Variants in LRRC4C observed in about 807,000 individuals in gnomAD.
LRRC4C encodes leucine rich repeat containing 4C, also known as leucine-rich repeat-containing protein 4C.
In LRRC4C, 5 loss-of-function variants were observed where a neutral mutation model predicts 33.6. The observed-to-expected ratio is 0.15, with a 90% CI of 0.08 to 0.31. The LOEUF (loss-of-function observed/expected upper bound fraction) is 0.31, where lower values mean the gene tolerates loss of function less well. LRRC4C is among the 10% of genes least tolerant of loss of function. The pLI is 1.00. For synonymous variants in LRRC4C, 329 were observed against 302.0 expected (o/e 1.09, Z -0.93); for missense variants, 560 against 796.7 (o/e 0.70, Z 3.58).
In LRRC4C at chr11:40,187,021, A is replaced by G. The variant is rs115658375; in HGVS notation, c.-95-46168T>C. Among the ~76,000 whole-genome samples the G allele has an allele frequency of 5.7e-3, 874 of 152,260 alleles. 10 individuals are homozygous for G. The highest frequency in any genetic ancestry group is 0.02 in the African/African-American group (827 of 41,550). The stretch of plus-strand genomic sequence containing the variant: ...TGACACATTTCAGTCAGGCCATAGC[A>G]GGCCTCTGCCAAGCAGGAGAACCAA... On this transcript the variant is annotated intron_variant, in intron 5 of 6. Coordinates refer to ENST00000528697, the MANE Select transcript of LRRC4C (RefSeq NM_001258419.2).
At chr11:40,586,313 A>C (rs1317442197) in intron 3 of LRRC4C, among the ~76,000 whole-genome samples, 1 of 149,848 alleles carries the variant, frequency 6.7e-6, no homozygotes, top group Non-Finnish European at 1.5e-5. Context: ...CCACTTTTTG[A>C]TGGGGTTGTT....
intron 2 of LRRC4C, among the ~76,000 whole-genome samples, chr11:40,793,764 ATTTTATATT>A (rs955296643): frequency 2.6e-5 from 4 of 152,240 alleles, no homozygotes; most frequent in African/African-American, 9.6e-5. Context: ...CATTGGATAT[ATTTTATATT>A]TTAGTGGTGG....
chr11:41,106,753 C>T (rs752359169), intron 1 of LRRC4C, among the ~76,000 whole-genome samples: 84 of 151,982 alleles, frequency 5.5e-4, no homozygotes, highest in Admixed American at 9.8e-4. Context: ...AAATGGTTGG[C>T]GGGGTACAGC....
intron 1 of LRRC4C, among the ~76,000 whole-genome samples, chr11:41,010,130 C>G (rs541260399): frequency 2.0e-5 from 3 of 152,158 alleles, no homozygotes; most frequent in African/African-American, 7.2e-5. Flanking sequence ...AAAGCATGGC[C>G]CTAATGACAC....
chr11:41,091,827 C>T (rs1362288099), intron 1 of LRRC4C, among the ~76,000 whole-genome samples: 1 of 152,078 alleles, frequency 6.6e-6, no homozygotes. Flanking sequence ...GACCAATGTC[C>T]TGTGAGTTAG....
rs184767669 is a variant in LRRC4C, at chr11:40,235,407, C to T, written c.-96+6112G>A. 1.1e-3 allele frequency among the ~76,000 whole-genome samples: 163 copies of T among 152,224 alleles called. 1 individual carries two copies. The East Asian group carries it at 0.028, about 26-fold the overall frequency. On this transcript the variant is annotated intron_variant, in intron 5 of 6. Transcript: ENST00000528697. Reference sequence around the variant, plus strand: ...AAATTTCCAGAAACTATCATACTTCCTCTCCAGATTTACTGAAAACATTTA... The same window carrying T: ...AAATTTCCAGAAACTATCATACTTCTTCTCCAGATTTACTGAAAACATTTA...
In LRRC4C at chr11:40,502,109, A is replaced by G. The variant is rs149266863; in HGVS notation, c.-270+146033T>C. On this transcript the variant is annotated intron_variant, in intron 3 of 6. Coordinates refer to ENST00000528697, the MANE Select transcript of LRRC4C (RefSeq NM_001258419.2). Reference sequence around the variant, plus strand: ...ACATAACAAGAGTCACCTTTGCTCTAGTTCCCAACTAGTTCCTCATCTCCA... The same window carrying G: ...ACATAACAAGAGTCACCTTTGCTCTGGTTCCCAACTAGTTCCTCATCTCCA... Among the ~76,000 whole-genome samples the G allele has an allele frequency of 6.6e-3, 1,007 of 152,268 alleles. 16 individuals are homozygous for G. The highest frequency in any genetic ancestry group is 0.023 in the African/African-American group (966 of 41,552).
intron 3 of LRRC4C, among the ~76,000 whole-genome samples, chr11:40,631,370 G>A (rs1213139856): frequency 6.6e-6 from 1 of 152,156 alleles, no homozygotes; most frequent in Non-Finnish European, 1.5e-5. Context: ...TGAGGGTGGT[G>A]CCCCAGTAAT....
At chr11:41,340,753 T>C (rs185493015) in intron 1 of LRRC4C, among the ~76,000 whole-genome samples, 73 of 152,202 alleles carry the variant, frequency 4.8e-4, no homozygotes, top group African/African-American at 1.7e-3. Flanking sequence ...ATAGCATTGT[T>C]GTGGAGATTA....
At chr11:40,322,060 A>G (rs561969993) in intron 3 of LRRC4C, among the ~76,000 whole-genome samples, 1 of 152,144 alleles carries the variant, frequency 6.6e-6, no homozygotes, top group East Asian at 1.9e-4. Context: ...AGATTCATTA[A>G]ATGTGGGGCT....
intron 1 of LRRC4C, among the ~76,000 whole-genome samples, chr11:40,974,966 T>C (rs1201143308): frequency 1.3e-5 from 2 of 152,168 alleles, no homozygotes; most frequent in Non-Finnish European, 2.9e-5. Context: ...CATCAGCTTT[T>C]CTGGTTTTGA....
intron 1 of LRRC4C, among the ~76,000 whole-genome samples, chr11:41,153,872 A>G (rs1944109841): frequency 6.6e-6 from 1 of 152,160 alleles, no homozygotes; most frequent in South Asian, 2.1e-4. Context: ...GGCTCTAAAT[A>G]GCATGACAAG....
intron 4 of LRRC4C, among the ~76,000 whole-genome samples, chr11:40,307,964 T>G (rs1945121375): frequency 6.6e-6 from 1 of 152,226 alleles, no homozygotes; most frequent in African/African-American, 2.4e-5. Flanking sequence ...TGAGAAAGAA[T>G]TATAGTTGTC....
At chr11:40,484,847 A>G (rs1953774001) in intron 3 of LRRC4C, among the ~76,000 whole-genome samples, 1 of 152,150 alleles carries the variant, frequency 6.6e-6, no homozygotes, top group Admixed American at 6.6e-5. Flanking sequence ...CTTACAGTCA[A>G]TGTACCACTG....
chr11:41,134,509 T>C (rs1039973757), intron 1 of LRRC4C, among the ~76,000 whole-genome samples: 1 of 152,198 alleles, frequency 6.6e-6, no homozygotes, highest in Non-Finnish European at 1.5e-5. Context: ...TCCAGGTTAA[T>C]TTCTCTTAAA....
intron 2 of LRRC4C, among the ~76,000 whole-genome samples, chr11:40,847,169 AC>A (rs768548835): frequency 1.4e-4 from 21 of 152,116 alleles, no homozygotes; most frequent in Non-Finnish European, 2.6e-4. Context: ...CCTGGCCAGA[AC>A]TTCCAATACT....
At chr11:40,523,185 C>A (rs889679190) in intron 3 of LRRC4C, among the ~76,000 whole-genome samples, 4 of 152,082 alleles carry the variant, frequency 2.6e-5, no homozygotes, top group Admixed American at 2.0e-4. Context: ...TCAAATTTCT[C>A]GACATCCTCA....
chr11:41,246,374 C>T (rs994342771), intron 1 of LRRC4C, among the ~76,000 whole-genome samples: 2 of 152,174 alleles, frequency 1.3e-5, no homozygotes, highest in Non-Finnish European at 2.9e-5. Flanking sequence ...TCAGAACAGG[C>T]ACTGGGAGTA....
intron 1 of LRRC4C, among the ~76,000 whole-genome samples, chr11:41,006,350 G>A (rs1854752138): frequency 6.6e-6 from 1 of 152,260 alleles, no homozygotes; most frequent in East Asian, 1.9e-4. Context: ...AATTTGAGCT[G>A]GCTGTCAGAG....
Sources: gnomAD v4.1 joint callset for allele counts (sites outside exome capture counted in the v4.1 genomes callset) on GRCh38, gnomAD v4.1.1 for gene constraint, MANE v1.5 for transcripts, NCBI Gene and HGNC (gene_info 2026-07-23, HGNC 2026-07-21) for gene names.